Variants in POTEH observed in about 807,000 individuals in gnomAD.
The protein encoded by POTEH is POTE ankyrin domain family member H.
A neutral mutation model predicts 41.7 loss-of-function variants in POTEH; 6 were observed. The observed-to-expected ratio is 0.14, with a 90% CI of 0.08 to 0.28. The LOEUF is 0.28. Ranked by LOEUF, POTEH falls within the 10% of genes least tolerant of loss-of-function variation. The probability of loss-of-function intolerance (pLI) is 1.00; values close to 1 mark genes in which losing one functional copy is unlikely to be tolerated. For missense variants in POTEH, 115 were observed against 533.5 expected, an observed-to-expected ratio of 0.22 and a Z score of 7.73; for synonymous variants, 38 against 179.9, an observed-to-expected ratio of 0.21 and a Z score of 6.31.
At chr22:15,710,407 T>C (rs1485858805) in intron 8 of POTEH, among the ~76,000 whole-genome samples, 1 of 141,946 alleles carries the variant, frequency 7.0e-6, no homozygotes, top group Non-Finnish European at 1.5e-5. Context: ...CATCTTCCAT[T>C]CTATTCCTGA....
intron 9 of POTEH, among the ~76,000 whole-genome samples, chr22:15,717,157 A>G (rs1362805218): frequency 1.1e-5 from 1 of 91,624 alleles, no homozygotes; most frequent in Admixed American, 1.3e-4. Flanking sequence ...TGAGATATAT[A>G]TATTTTTATA....
rs777074196 is a variant in POTEH at position 15,690,642 on chromosome 22, G to A, written c.565G>A (p.Val189Ile). 1.5e-5 allele frequency: 21 copies of A among 1,422,880 alleles called. 3 individuals are homozygous for A. The highest frequency in any genetic ancestry group is 1.3e-4 in the Admixed American group (7 of 52,030). The allele number at this position is 1,422,880 out of a possible 1,614,324, so 88.1% of individuals were successfully genotyped here. A position where few individuals can be genotyped will look rare whatever the true frequency, so the allele number is the denominator to read the frequency against. Reference sequence around the variant, plus strand: ...CCACAGAGCTGCCTGGTGGGGTAAAGTCCCCAGAAAGGATCTCATCGTCAT... The same window carrying A: ...CCACAGAGCTGCCTGGTGGGGTAAAATCCCCAGAAAGGATCTCATCGTCAT... ...KLHRAAWWGK[V>I]PRKDLIVMLK... The change falls in exon 1 of 11, where the codon GTC becomes ATC. Residue 189 changes from valine (V) to isoleucine (I), a missense_variant. Transcript: ENST00000343518.
chr22:15,692,009 A>ATATATATATATATATAT, intron 1 of POTEH, among the ~76,000 whole-genome samples: 1 of 128,658 alleles, frequency 7.8e-6, no homozygotes, highest in East Asian at 2.5e-4. Context: ...TATATATATA[A>ATATATATATATATATAT]ATTTCTTTTT....
At chr22:15,691,003 G>C (rs950230759) in intron 1 of POTEH, among the ~76,000 whole-genome samples, 1 of 139,580 alleles carries the variant, frequency 7.2e-6, no homozygotes, top group Non-Finnish European at 1.6e-5. Flanking sequence ...TTAATGTACA[G>C]ATTTTAAAAC....
intron 10 of POTEH, among the ~76,000 whole-genome samples, chr22:15,721,026 TTAAA>T (rs1488752842): frequency 6.7e-6 from 1 of 149,188 alleles, no homozygotes; most frequent in Non-Finnish European, 1.5e-5. Context: ...TTCATAGTCT[TTAAA>T]TAAATATTTA....
intron 3 of POTEH, chr22:15,697,589 C>A: frequency 9.6e-6 from 1 of 103,746 alleles, no homozygotes; most frequent in Non-Finnish European, 1.7e-5. Context: ...TGGGCTCAAG[C>A]AATTCATCCC....
chr22:15,703,633 G>T (rs1989606965), intron 6 of POTEH, among the ~76,000 whole-genome samples: 2 of 148,326 alleles, frequency 1.3e-5, no homozygotes, highest in Admixed American at 1.3e-4. Context: ...CATAAAAGTA[G>T]AAAAATGTTT....
intron 1 of POTEH, among the ~76,000 whole-genome samples, chr22:15,691,266 G>T (rs1472996920): frequency 7.1e-6 from 1 of 140,762 alleles, no homozygotes; most frequent in Non-Finnish European, 1.6e-5. Flanking sequence ...GCTCACACCT[G>T]TAATCCCAGC....
intron 9 of POTEH, among the ~76,000 whole-genome samples, chr22:15,713,482 C>T: frequency 6.6e-6 from 1 of 152,368 alleles, no homozygotes; most frequent in East Asian, 1.9e-4. Flanking sequence ...ATGGCTCAGT[C>T]CTCAATCTTC....
At chr22:15,703,903 C>T (rs1298628388) in intron 6 of POTEH, among the ~76,000 whole-genome samples, 1 of 126,588 alleles carries the variant, frequency 7.9e-6, no homozygotes, top group African/African-American at 2.8e-5. Context: ...TTTCACTTGT[C>T]CACTTAACAG....
At chr22:15,718,932 T>A (rs1418792240) in intron 9 of POTEH, among the ~76,000 whole-genome samples, 5 of 147,122 alleles carry the variant, frequency 3.4e-5, no homozygotes, top group African/African-American at 1.3e-4. Flanking sequence ...ATTTCTAAGT[T>A]GTTTATAAAA....
In POTEH at chr22:15,690,488, G is replaced by A. The variant is rs1254423494; in HGVS notation, c.411G>A (p.Lys137=). Residue 137 remains lysine (K), a synonymous_variant, in exon 1 of 11, where the codon AAG becomes AAA. Coordinates refer to ENST00000343518, the MANE Select transcript of POTEH (RefSeq NM_001136213.1). Reference sequence around the variant, plus strand: ...AGACACTCAGGAGCAAGATGGGCAAGTGGTGCTGCCACTGCTTCCCCTGCT... The same window carrying A: ...AGACACTCAGGAGCAAGATGGGCAAATGGTGCTGCCACTGCTTCCCCTGCT... ...AMKTLRSKMG[K]WCCHCFPCCR... The A allele has an allele frequency of 9.2e-6, 13 of 1,411,346 alleles. 2 individuals carry two copies. In the Admixed American group the frequency reaches 2.4e-4, roughly 26 times the overall value. 87.4% of individuals were successfully genotyped at this position (1,411,346 alleles called of 1,614,324 possible).
chr22:15,691,523 C>T, intron 1 of POTEH, among the ~76,000 whole-genome samples: 2 of 77,352 alleles, frequency 2.6e-5, no homozygotes, highest in Non-Finnish European at 2.9e-5. Context: ...AAGACTCCGT[C>T]TCAAAAAAAA....
chr22:15,713,075 C>G (rs1989852519), intron 9 of POTEH, among the ~76,000 whole-genome samples: 1 of 152,098 alleles, frequency 6.6e-6, no homozygotes, highest in African/African-American at 2.4e-5. Flanking sequence ...TTTTCCATGA[C>G]TGTGGATGAA....
intron 9 of POTEH, among the ~76,000 whole-genome samples, chr22:15,717,550 A>T (rs1287229711): frequency 1.8e-5 from 2 of 111,790 alleles, no homozygotes; most frequent in African/African-American, 5.9e-5. Flanking sequence ...ATGATTCGAG[A>T]TATTTCGCAT....
At chr22:15,714,085 G>A (rs1172637231) in intron 9 of POTEH, among the ~76,000 whole-genome samples, 6 of 151,796 alleles carry the variant, frequency 4.0e-5, no homozygotes, top group African/African-American at 7.3e-5. Flanking sequence ...CAAAAACCTC[G>A]GTGTCATTCT....
intron 1 of POTEH, among the ~76,000 whole-genome samples, chr22:15,691,851 T>C (rs1230374048): frequency 1.3e-5 from 2 of 149,132 alleles, no homozygotes; most frequent in Non-Finnish European, 3.0e-5. Context: ...GATGGATTGT[T>C]CATAATTCAT....
intron 1 of POTEH, among the ~76,000 whole-genome samples, chr22:15,693,003 A>G (rs1285073128): frequency 3.6e-4 from 44 of 121,514 alleles, no homozygotes; most frequent in African/African-American, 5.0e-4. Flanking sequence ...AAAAGCCCAT[A>G]TAAAGATTTC....
intron 9 of POTEH, among the ~76,000 whole-genome samples, chr22:15,711,277 G>T (rs8138457): frequency 6.6e-6 from 1 of 152,084 alleles, no homozygotes; most frequent in African/African-American, 2.4e-5. Flanking sequence ...TTTAGCTTCA[G>T]GGTACATGTG....
Sources: allele counts gnomAD v4.1 joint callset (sites outside exome capture counted in the v4.1 genomes callset), GRCh38; gene constraint gnomAD v4.1.1; transcripts MANE v1.5; gene names NCBI Gene and HGNC (gene_info 2026-07-23, HGNC 2026-07-21).